The following IMMP2L variants were observed in gnomAD, a reference collection of about 807,000 sequenced individuals.
IMMP2L encodes mitochondrial inner membrane protease subunit 2.
Under a neutral mutation model 19.3 loss-of-function variants are expected in IMMP2L, and 18 were observed. The ratio of observed to expected loss-of-function variants is 0.93; its 90% confidence interval spans 0.64 to 1.38. The LOEUF is 1.38. Ranked by LOEUF, IMMP2L falls within the 40% of genes most tolerant of loss-of-function variation. The pLI, the probability that IMMP2L is intolerant of heterozygous loss-of-function variation, is 0.00. For missense variants in IMMP2L, 233 were observed against 218.2 expected, an observed-to-expected ratio of 1.07 and a Z score of -0.43; for synonymous variants, 76 against 73.0, an observed-to-expected ratio of 1.04 and a Z score of -0.21.
At chr7:110,692,726 T>C (rs1215122315) in intron 5 of IMMP2L, among the ~76,000 whole-genome samples, 3 of 152,188 alleles carry the variant, frequency 2.0e-5, no homozygotes, top group African/African-American at 7.2e-5. Flanking sequence ...GGAATTACTA[T>C]TCAGAGCAGT....
chr7:111,042,667 C>T (rs952087341), intron 3 of IMMP2L, among the ~76,000 whole-genome samples: 4 of 152,174 alleles, frequency 2.6e-5, no homozygotes, highest in African/African-American at 9.7e-5. Flanking sequence ...CGCCTAAAAT[C>T]TTAGTTCTGC....
chr7:110,915,384 T>C (rs564486199), intron 4 of IMMP2L, among the ~76,000 whole-genome samples: 1 of 149,606 alleles, frequency 6.7e-6, no homozygotes, highest in South Asian at 2.1e-4. Context: ...TACTGTGTAA[T>C]ATCACTTATG....
At chr7:111,483,252 C>T (rs1335558519) in intron 3 of IMMP2L, among the ~76,000 whole-genome samples, 5 of 152,040 alleles carry the variant, frequency 3.3e-5, no homozygotes, top group Middle Eastern at 6.3e-3. Context: ...TTATTTAGGA[C>T]TTTATTATGA....
intron 3 of IMMP2L, among the ~76,000 whole-genome samples, chr7:111,348,667 C>G (rs1023734682): frequency 1.3e-5 from 2 of 152,062 alleles, no homozygotes; most frequent in Admixed American, 1.3e-4. Flanking sequence ...AAAATACTCC[C>G]AATGGTATTA....
intron 5 of IMMP2L, among the ~76,000 whole-genome samples, chr7:110,779,570 A>G (rs1033812198): frequency 6.6e-6 from 1 of 151,898 alleles, no homozygotes; most frequent in Admixed American, 6.6e-5. Context: ...TCCAAACAGC[A>G]TGTGTAGCAA....
intron 3 of IMMP2L, among the ~76,000 whole-genome samples, chr7:111,116,842 C>T (rs1002933838): frequency 6.6e-6 from 1 of 151,986 alleles, no homozygotes; most frequent in Non-Finnish European, 1.5e-5. Flanking sequence ...GAGAAGATAC[C>T]AAGGTGTGTG....
chr7:111,385,033 C>A (rs953744932), intron 3 of IMMP2L, among the ~76,000 whole-genome samples: 1 of 152,020 alleles, frequency 6.6e-6, no homozygotes, highest in Non-Finnish European at 1.5e-5. Flanking sequence ...TGAACAAATG[C>A]CTATTTTGTG....
chr7:111,270,716 T>A (rs761728285), intron 3 of IMMP2L, among the ~76,000 whole-genome samples: 9 of 152,210 alleles, frequency 5.9e-5, no homozygotes, highest in Non-Finnish European at 1.2e-4. Context: ...CAATAATTTA[T>A]GAACGGTACG....
At chr7:111,331,008 A>G (rs939786902) in intron 3 of IMMP2L, among the ~76,000 whole-genome samples, 3 of 151,946 alleles carry the variant, frequency 2.0e-5, no homozygotes, top group Non-Finnish European at 4.4e-5. Flanking sequence ...CGATTATGAA[A>G]AACTGTATGG....
In IMMP2L at chr7:111,124,933, A is replaced by AAC. The variant is rs35553365; in HGVS notation, c.240-161369_240-161368insGT. 3.0e-5 allele frequency: 12 copies of AAC among 403,016 alleles called. No homozygotes were observed. In the South Asian group the frequency reaches 3.3e-4, roughly 11 times the overall value. 25.0% of individuals were successfully genotyped at this position (403,016 alleles called of 1,614,324 possible). A position where few individuals can be genotyped will look rare whatever the true frequency, so the allele number is the denominator to read the frequency against. On this transcript the variant is annotated intron_variant, in intron 3 of 5. Coordinates refer to ENST00000405709, the MANE Select transcript of IMMP2L (RefSeq NM_032549.4). ...AAGGAAACCTACTCCAAAAATGAACAAAAAAAAAAAAAGCGAAAGACTGCA... is the reference window on the plus strand; with the variant it reads ...AAGGAAACCTACTCCAAAAATGAACAACAAAAAAAAAAAAGCGAAAGACTGCA...
intron 5 of IMMP2L, among the ~76,000 whole-genome samples, chr7:110,830,707 T>G (rs555034704): frequency 4.2e-4 from 64 of 152,106 alleles, no homozygotes; most frequent in Non-Finnish European, 7.2e-4. Context: ...TCCCTACTGT[T>G]TATAATGTCA....
intron 3 of IMMP2L, among the ~76,000 whole-genome samples, chr7:111,154,593 G>A (rs1404132439): frequency 1.3e-5 from 2 of 152,056 alleles, no homozygotes; most frequent in Non-Finnish European, 2.9e-5. Flanking sequence ...ACTACAAGAA[G>A]GAATTTTACT....
At chr7:110,982,517 A>G (rs1294913714) in intron 3 of IMMP2L, among the ~76,000 whole-genome samples, 1 of 152,104 alleles carries the variant, frequency 6.6e-6, no homozygotes, top group Non-Finnish European at 1.5e-5. Flanking sequence ...AGGCATGAAG[A>G]CCTAACAACT....
At position 110,663,497 on chromosome 7, in the gene IMMP2L, A is replaced by G. The variant is rs1386435880; in HGVS notation, c.*105T>C. 8.9e-6 allele frequency: 8 copies of G among 899,470 alleles called. No homozygotes were observed. Among genetic ancestry groups the G allele is most frequent in the Admixed American group, 2.1e-5 (1 of 47,668 alleles). 55.7% of individuals were successfully genotyped at this position (899,470 alleles called of 1,614,324 possible). On this transcript the variant is annotated 3_prime_UTR_variant, in exon 6 of 6. Coordinates refer to ENST00000405709, the MANE Select transcript of IMMP2L (RefSeq NM_032549.4). Reference sequence around the variant, plus strand: ...TTAATGTGCTGTAAATATTTCTCGCACAGCATCATATTGTCAGAAGTTTTT... The same window carrying G: ...TTAATGTGCTGTAAATATTTCTCGCGCAGCATCATATTGTCAGAAGTTTTT...
At chr7:110,665,624 C>G (rs1791396827) in intron 5 of IMMP2L, among the ~76,000 whole-genome samples, 1 of 152,140 alleles carries the variant, frequency 6.6e-6, no homozygotes, top group Admixed American at 6.5e-5. Flanking sequence ...AGCAAGCTGC[C>G]TTGTAAAATG....
chr7:111,073,155 T>A (rs1795103878), intron 3 of IMMP2L, among the ~76,000 whole-genome samples: 1 of 152,178 alleles, frequency 6.6e-6, no homozygotes, highest in Admixed American at 6.5e-5. Context: ...GGTCATTATA[T>A]CTGCAATGCA....
intron 3 of IMMP2L, among the ~76,000 whole-genome samples, chr7:111,380,088 A>C (rs1023041631): frequency 2.0e-5 from 3 of 151,968 alleles, no homozygotes; most frequent in African/African-American, 7.2e-5. Flanking sequence ...AATCACTGCT[A>C]ATTTATTTGT....
At chr7:111,485,597 C>CAAAAAAAAAAAAAAAAAAAA (rs71147477) in intron 3 of IMMP2L, among the ~76,000 whole-genome samples, 1 of 50,596 alleles carries the variant, frequency 2.0e-5, no homozygotes, top group African/African-American at 8.6e-5. Context: ...GACTCTGTTT[C>CAAAAAAAAAAAAAAAAAAAA]AAAAAAAAAA....
intron 5 of IMMP2L, among the ~76,000 whole-genome samples, chr7:110,694,235 G>A (rs1201018913): frequency 6.6e-6 from 1 of 152,030 alleles, no homozygotes; most frequent in Non-Finnish European, 1.5e-5. Context: ...GGCTAAAAAA[G>A]AATAGACTAG....
Sources: allele counts gnomAD v4.1 joint callset (sites outside exome capture counted in the v4.1 genomes callset), GRCh38; gene constraint gnomAD v4.1.1; transcripts MANE v1.5; gene names NCBI Gene and HGNC (gene_info 2026-07-23, HGNC 2026-07-21).